Variants in CDNF observed in about 807,000 individuals in gnomAD.
CDNF encodes the protein cerebral dopamine neurotrophic factor.
A neutral mutation model predicts 14.8 loss-of-function variants in CDNF; 9 were observed. The observed-to-expected ratio is 0.61, with a 90% CI of 0.37 to 1.06. The LOEUF (loss-of-function observed/expected upper bound fraction) is 1.06, where lower values mean the gene tolerates loss of function less well. CDNF is among the 50% of genes least tolerant of loss of function. The probability of loss-of-function intolerance (pLI) is 0.01; values close to 1 mark genes in which losing one functional copy is unlikely to be tolerated. For missense variants in CDNF, 228 were observed against 228.4 expected, an observed-to-expected ratio of 1.00 and a Z score of 0.01; for synonymous variants, 86 against 87.2, an observed-to-expected ratio of 0.99 and a Z score of 0.07.
chr10:14,823,992 C>T (rs1264026303), intron 3 of CDNF, among the ~76,000 whole-genome samples: 1 of 152,142 alleles, frequency 6.6e-6, no homozygotes, highest in East Asian at 1.9e-4. Flanking sequence ...AACCTTAAAC[C>T]TACTTAAAGC....
At chr10:14,827,387 G>C (rs1187414914) in intron 2 of CDNF, among the ~76,000 whole-genome samples, 1 of 152,040 alleles carries the variant, frequency 6.6e-6, no homozygotes, top group African/African-American at 2.4e-5. Flanking sequence ...ATATAAAACA[G>C]TATATTGAAA....
At chr10:14,825,941 A>G (rs1228865591) in intron 2 of CDNF, among the ~76,000 whole-genome samples, 2 of 151,224 alleles carry the variant, frequency 1.3e-5, no homozygotes, top group African/African-American at 4.9e-5. Context: ...ACAGAGTGAG[A>G]CTCCATCTCA....
At chr10:14,821,287 G>T (rs1157417998) in intron 3 of CDNF, among the ~76,000 whole-genome samples, 1 of 152,030 alleles carries the variant, frequency 6.6e-6, no homozygotes, top group Non-Finnish European at 1.5e-5. Flanking sequence ...ATCATGCCCG[G>T]CTAATTTTTG....
intron 3 of CDNF, among the ~76,000 whole-genome samples, chr10:14,823,781 C>T (rs1833757329): frequency 6.6e-6 from 1 of 152,212 alleles, no homozygotes; most frequent in Admixed American, 6.5e-5. Context: ...CCTTTCTTGG[C>T]CTCCCAAAGT....
rs184659562 is a variant in CDNF, at chr10:14,825,015, G to A, written c.385+464C>T. ...ATCACCCAGGCTGGAGTGCAGTGGC[G>A]GGATCTGGGCTCATTGCAACCTCTG... On this transcript the variant is annotated intron_variant, in intron 3 of 3. Transcript: ENST00000465530. Among the ~76,000 whole-genome samples the A allele has an allele frequency of 9.9e-5, 15 of 151,892 alleles. No individual in the cohort carries two copies. The East Asian group carries it at 2.1e-3, about 22-fold the overall frequency.
At position 14,820,020 on chromosome 10, in the gene CDNF, G is replaced by A. The variant is rs1424659827; in HGVS notation, c.524C>T (p.Ala175Val). 6.2e-7 allele frequency: 1 copy of A among 1,614,040 alleles called. No individual in the cohort carries two copies. Among genetic ancestry groups the A allele is most frequent in the Admixed American group, 1.7e-5 (1 of 59,994 alleles). ...TDYVNLIQEL[A>V]PKYAATHPKT... is the part of the protein sequence containing the mutation. ...GGGGTGTGTCGCTGCATACTTGGGG[G>A]CCAGCTCTTGAATGAGATTCACATA... The change falls in exon 4 of 4, where the codon GCC (alanine) becomes GTC (valine). Residue 175 changes from alanine to valine, a missense_variant. By Grantham distance (64) the Ala-to-Val change is moderately conservative. Coordinates refer to ENST00000465530, the MANE Select transcript of CDNF (RefSeq NM_001029954.3).
At chr10:14,829,341 T>A (rs1468434040) in intron 1 of CDNF, among the ~76,000 whole-genome samples, 1 of 152,164 alleles carries the variant, frequency 6.6e-6, no homozygotes, top group Non-Finnish European at 1.5e-5. Flanking sequence ...CTGGGCATAG[T>A]GGATCACACC....
Position 14,819,749 on chromosome 10 carries a change from A to C in CDNF, c.*231T>G, listed in dbSNP as rs1833721534. On this transcript the variant is annotated 3_prime_UTR_variant, in exon 4 of 4. Coordinates refer to ENST00000465530, the MANE Select transcript of CDNF (RefSeq NM_001029954.3). Reference sequence around the variant, plus strand: ...AATGAAAACTGGCATAGTCATTCCAAGAAACTTATGAGAAAGGAACTTTTA... The same window carrying C: ...AATGAAAACTGGCATAGTCATTCCACGAAACTTATGAGAAAGGAACTTTTA... The C allele has an allele frequency of 1.3e-5, 5 of 399,604 alleles. No individual in the cohort carries two copies. The East Asian group carries it at 2.0e-4, about 16-fold the overall frequency. The allele number at this position is 399,604 out of a possible 1,614,324, so 24.8% of individuals were successfully genotyped here.
intron 1 of CDNF, among the ~76,000 whole-genome samples, chr10:14,831,338 G>A (rs771453065): frequency 1.9e-4 from 29 of 151,882 alleles, no homozygotes; most frequent in Non-Finnish European, 2.6e-4. Flanking sequence ...TCCACTCTGT[G>A]GTTGGCTTCT....
At chr10:14,828,875 A>G (rs1833821196) in intron 1 of CDNF, among the ~76,000 whole-genome samples, 1 of 151,630 alleles carries the variant, frequency 6.6e-6, no homozygotes, top group South Asian at 2.1e-4. Context: ...AAAAACAAAA[A>G]AACACCAGGC....
At chr10:14,831,940 G>A (rs772388020) in intron 1 of CDNF, among the ~76,000 whole-genome samples, 23 of 152,128 alleles carry the variant, frequency 1.5e-4, no homozygotes, top group Non-Finnish European at 3.1e-4. Flanking sequence ...AGTTATTCAT[G>A]TTTTTAACAA....
chr10:14,826,095 A>AAGAAGAAGAAGAAGAAGAAGCAGC (rs1426555042), intron 2 of CDNF, among the ~76,000 whole-genome samples: 4 of 87,542 alleles, frequency 4.6e-5, no homozygotes, highest in South Asian at 3.7e-4. Flanking sequence ...GAAGAAGAAG[A>AAGAAGAAGAAGAAGAAGAAGCAGC]AGCAGCAGCA....
chr10:14,837,968 G>A lies in CDNF; in HGVS notation c.-22C>T. 1.3e-6 allele frequency: 2 copies of A among 1,548,122 alleles called. No homozygotes were observed. Among genetic ancestry groups the A allele is most frequent in the Non-Finnish European group, 8.8e-7 (1 of 1,142,394 alleles). Reference sequence around the variant, plus strand: ...ACATGCTGGGCCAGCAGCTTCAATCGCCTCCGCCACCCGCGCCCACCGCCC... The same window carrying A: ...ACATGCTGGGCCAGCAGCTTCAATCACCTCCGCCACCCGCGCCCACCGCCC... On this transcript the variant is annotated 5_prime_UTR_variant, in exon 1 of 4. Coordinates refer to ENST00000465530, the MANE Select transcript of CDNF (RefSeq NM_001029954.3).
chr10:14,830,020 A>G (rs1201552330), intron 1 of CDNF, among the ~76,000 whole-genome samples: 5 of 152,172 alleles, frequency 3.3e-5, no homozygotes, highest in African/African-American at 1.2e-4. Context: ...CGATACTCAT[A>G]CGTCTCAAAA....
intron 3 of CDNF, among the ~76,000 whole-genome samples, 163 bp downstream of exon 3, chr10:14,825,316 C>A (rs576546356): frequency 1.3e-5 from 2 of 152,114 alleles, no homozygotes; most frequent in Non-Finnish European, 2.9e-5. Context: ...CTTCCCTCAA[C>A]GAAACTCAAA....
At chr10:14,829,663 CT>C (rs1389967472) in intron 1 of CDNF, among the ~76,000 whole-genome samples, 1 of 152,118 alleles carries the variant, frequency 6.6e-6, no homozygotes, top group South Asian at 2.1e-4. Context: ...AAGTCTCGCT[CT>C]GTTCACCCAG....
intron 1 of CDNF, among the ~76,000 whole-genome samples, chr10:14,833,414 T>C (rs1833862041): frequency 6.6e-6 from 1 of 152,180 alleles, no homozygotes; most frequent in African/African-American, 2.4e-5. Context: ...CTCCTGGGTC[T>C]CCAGCCTGCT....
chr10:14,821,404 G>A (rs113960787), intron 3 of CDNF, among the ~76,000 whole-genome samples: 2,198 of 152,274 alleles, frequency 0.014, 60 homozygotes, highest in African/African-American at 0.049. Flanking sequence ...AATTACAGGC[G>A]TGAGCCACCG....
chr10:14,819,633 G>T lies in CDNF; in HGVS notation c.*347C>A. The T allele has an allele frequency of 5.7e-6, 1 of 176,022 alleles. No individual in the cohort carries two copies. The allele number at this position is 176,022 out of a possible 1,614,324, so 10.9% of individuals were successfully genotyped here. On this transcript the variant is annotated 3_prime_UTR_variant, in exon 4 of 4. Coordinates refer to ENST00000465530, the MANE Select transcript of CDNF (RefSeq NM_001029954.3). ...TTTTAGTCCAATATATTTTAAAATT[G>T]CATCCAGAGAGGAGTCTCTGAATGC...
Sources: allele counts gnomAD v4.1 joint callset (sites outside exome capture counted in the v4.1 genomes callset), GRCh38; gene constraint gnomAD v4.1.1; transcripts MANE v1.5; gene names NCBI Gene and HGNC (gene_info 2026-07-23, HGNC 2026-07-21).